FRMD4A: variants seen among roughly 807,000 people sequenced by gnomAD.
FRMD4A encodes the protein FERM domain-containing protein 4A.
Under a neutral mutation model 129.1 loss-of-function variants are expected in FRMD4A, and 29 were observed. The ratio of observed to expected loss-of-function variants is 0.22; its 90% CI spans 0.17 to 0.31. The LOEUF (loss-of-function observed/expected upper bound fraction) is 0.31, where lower values mean the gene tolerates loss of function less well. Ranked by LOEUF, FRMD4A falls within the 10% of genes least tolerant of loss-of-function variation. The probability of loss-of-function intolerance (pLI) is 1.00; values close to 1 mark genes in which losing one functional copy is unlikely to be tolerated. For missense variants in FRMD4A, 1,272 were observed against 1,375.8 expected (o/e 0.92, Z 1.19); for synonymous variants, 634 against 571.6 (o/e 1.11, Z -1.56).
At chr10:13,944,352 T>C (rs1412148072) in intron 2 of FRMD4A, among the ~76,000 whole-genome samples, 1 of 152,070 alleles carries the variant, frequency 6.6e-6, no homozygotes, top group Non-Finnish European at 1.5e-5. Flanking sequence ...GAGAATTCAA[T>C]GCCTGATGAT....
At chr10:14,291,513 G>T (rs1239899677) in intron 2 of FRMD4A, among the ~76,000 whole-genome samples, 1 of 152,068 alleles carries the variant, frequency 6.6e-6, no homozygotes, top group Non-Finnish European at 1.5e-5. Context: ...ATAGAGTAAT[G>T]TAATTTACCT....
At chr10:13,879,080 A>G (rs2094519825) in intron 2 of FRMD4A, among the ~76,000 whole-genome samples, 1 of 152,210 alleles carries the variant, frequency 6.6e-6, no homozygotes, top group Admixed American at 6.5e-5. Flanking sequence ...ATCCAACAGT[A>G]TATTTTAAAT....
intron 2 of FRMD4A, among the ~76,000 whole-genome samples, chr10:14,248,154 T>C (rs1370943876): frequency 2.0e-5 from 3 of 151,366 alleles, no homozygotes; most frequent in Non-Finnish European, 4.4e-5. Flanking sequence ...ATAAGTGCCT[T>C]GTAAACATCA....
chr10:14,182,981 T>C (rs1841961443), intron 2 of FRMD4A, among the ~76,000 whole-genome samples: 1 of 152,076 alleles, frequency 6.6e-6, no homozygotes. Flanking sequence ...GGTTAGGATG[T>C]TGGTGCGTGG....
intron 2 of FRMD4A, among the ~76,000 whole-genome samples, chr10:14,129,524 G>C (rs559702755): frequency 6.6e-6 from 1 of 151,518 alleles, no homozygotes; most frequent in East Asian, 2.0e-4. Context: ...CCTGACTTTA[G>C]ACAATGCCCT....
intron 2 of FRMD4A, among the ~76,000 whole-genome samples, chr10:14,130,230 TC>T (rs2131826686): frequency 6.6e-6 from 1 of 152,304 alleles, no homozygotes; most frequent in African/African-American, 2.4e-5. Context: ...CAGTAAATAT[TC>T]TTTTTAAATT....
intron 5 of FRMD4A, among the ~76,000 whole-genome samples, chr10:13,794,962 C>T (rs1041618861): frequency 6.6e-6 from 1 of 152,228 alleles, no homozygotes; most frequent in Non-Finnish European, 1.5e-5. Context: ...GAGACTGACA[C>T]TTCCACCACC....
intron 2 of FRMD4A, among the ~76,000 whole-genome samples, chr10:14,193,402 G>A (rs143974182): frequency 1.3e-5 from 2 of 151,904 alleles, no homozygotes; most frequent in East Asian, 1.9e-4. Context: ...TCCAGAAAAC[G>A]GAAATGTCAC....
chr10:13,896,294 A>G (rs571509592), intron 2 of FRMD4A, among the ~76,000 whole-genome samples: 1 of 152,350 alleles, frequency 6.6e-6, no homozygotes, highest in Non-Finnish European at 1.5e-5. Context: ...GATAGACTGG[A>G]TAAAGAAAAT....
intron 2 of FRMD4A, among the ~76,000 whole-genome samples, chr10:14,308,275 CTCTTTTA>C (rs1252890112): frequency 6.6e-6 from 1 of 152,200 alleles, no homozygotes; most frequent in Non-Finnish European, 1.5e-5. Flanking sequence ...TTGAATGACA[CTCTTTTA>C]AATGACTTTG....
intron 9 of FRMD4A, chr10:13,744,433 T>C (rs1213433464): frequency 6.6e-6 from 1 of 152,198 alleles, no homozygotes. Context: ...GCACCATAAC[T>C]CAGCATTATT....
intron 5 of FRMD4A, among the ~76,000 whole-genome samples, chr10:13,790,661 C>T (rs935685672): frequency 2.0e-4 from 31 of 151,318 alleles, no homozygotes; most frequent in Admixed American, 1.4e-3. Context: ...GGCAGAAGCA[C>T]GCCTGTGGAG....
intron 2 of FRMD4A, among the ~76,000 whole-genome samples, chr10:13,915,513 A>C (rs1425960632): frequency 6.6e-6 from 1 of 151,880 alleles, no homozygotes; most frequent in Non-Finnish European, 1.5e-5. Context: ...TCTACTAAAA[A>C]TACAAAAAAT....
chr10:13,790,080 A>T (rs1380960765), intron 5 of FRMD4A, among the ~76,000 whole-genome samples: 3 of 151,942 alleles, frequency 2.0e-5, no homozygotes, highest in African/African-American at 7.3e-5. Context: ...TATGGAGAGT[A>T]AGAGATGGAT....
At chr10:13,878,578 C>T (rs756128906) in intron 2 of FRMD4A, among the ~76,000 whole-genome samples, 2 of 151,944 alleles carry the variant, frequency 1.3e-5, no homozygotes, top group African/African-American at 4.8e-5. Flanking sequence ...CATGGCAAAA[C>T]GTTGTCTCTA....
intron 2 of FRMD4A, among the ~76,000 whole-genome samples, chr10:14,110,357 A>T (rs1837834437): frequency 6.6e-6 from 1 of 152,002 alleles, no homozygotes; most frequent in African/African-American, 2.4e-5. Context: ...CACTCAAAAG[A>T]AAAAAAATTC....
chr10:13,957,847 G>A (rs1022200537), intron 2 of FRMD4A, among the ~76,000 whole-genome samples: 1 of 151,864 alleles, frequency 6.6e-6, no homozygotes, highest in African/African-American at 2.4e-5. Context: ...TCTCTGTACT[G>A]TAAGCCACTT....
chr10:14,003,197 G>A (rs1369857820), intron 2 of FRMD4A, among the ~76,000 whole-genome samples: 1 of 152,182 alleles, frequency 6.6e-6, no homozygotes, highest in Admixed American at 6.5e-5. Context: ...ACGGAATAGA[G>A]GAGCAGGACG....
intron 2 of FRMD4A, among the ~76,000 whole-genome samples, chr10:14,035,389 G>A (rs538890272): frequency 6.8e-5 from 10 of 147,650 alleles, no homozygotes; most frequent in South Asian, 2.1e-4. Flanking sequence ...TCCAGCCTGG[G>A]CAACAAAGCA....
Sources: gnomAD v4.1 joint callset for allele counts (sites outside exome capture counted in the v4.1 genomes callset) on GRCh38, gnomAD v4.1.1 for gene constraint, MANE v1.5 for transcripts, NCBI Gene and HGNC (gene_info 2026-07-23, HGNC 2026-07-21) for gene names.